Variants in SLC2A13 observed in about 807,000 individuals in gnomAD.
SLC2A13 encodes solute carrier family 2 member 13, also known as proton myo-inositol cotransporter.
Under a neutral mutation model 64.4 loss-of-function variants are expected in SLC2A13, and 32 were observed. The observed-to-expected ratio is 0.50, with a 90% CI of 0.37 to 0.67. SLC2A13 has a LOEUF of 0.67. Ranked by LOEUF, SLC2A13 falls within the 30% of genes least tolerant of loss-of-function variation. The pLI, the probability that SLC2A13 is intolerant of heterozygous loss-of-function variation, is 0.00. For synonymous variants in SLC2A13, 338 were observed against 327.1 expected (o/e 1.03, Z -0.36); for missense variants, 743 against 829.2 (o/e 0.90, Z 1.28).
At chr12:40,095,670 C>G (rs1938914284) in intron 1 of SLC2A13, among the ~76,000 whole-genome samples, 1 of 152,132 alleles carries the variant, frequency 6.6e-6, no homozygotes, top group African/African-American at 2.4e-5. Context: ...CCTTATATTA[C>G]AATCCCTCAA....
At chr12:39,809,111 C>T (rs570699127) in intron 7 of SLC2A13, among the ~76,000 whole-genome samples, 188 of 152,070 alleles carry the variant, frequency 1.2e-3, no homozygotes, top group Non-Finnish European at 2.3e-3. Context: ...AGGTCCATTC[C>T]CTCCACCTTC....
chr12:39,943,649 G>A (rs1016351249), intron 4 of SLC2A13, among the ~76,000 whole-genome samples: 2 of 152,208 alleles, frequency 1.3e-5, no homozygotes, highest in African/African-American at 4.8e-5. Context: ...CTGCTGTGCT[G>A]GCAGTGAGAA....
At chr12:39,971,357 T>G (rs552450159) in intron 3 of SLC2A13, among the ~76,000 whole-genome samples, 1 of 152,344 alleles carries the variant, frequency 6.6e-6, no homozygotes, top group African/African-American at 2.4e-5. Context: ...TAATTTGGTT[T>G]TTAAAAATAT....
intron 1 of SLC2A13, among the ~76,000 whole-genome samples, chr12:40,083,621 G>C (rs1938489542): frequency 6.6e-6 from 1 of 152,160 alleles, no homozygotes; most frequent in Non-Finnish European, 1.5e-5. Flanking sequence ...AAAGGATGGG[G>C]AACTCCTCCC....
chr12:39,926,394 T>C (rs1037589712), intron 4 of SLC2A13, among the ~76,000 whole-genome samples: 2 of 152,160 alleles, frequency 1.3e-5, no homozygotes, highest in African/African-American at 2.4e-5. Flanking sequence ...CCCAGACTTT[T>C]ATTATAATTT....
intron 3 of SLC2A13, among the ~76,000 whole-genome samples, chr12:39,994,037 C>T (rs1176300073): frequency 1.3e-5 from 2 of 152,114 alleles, no homozygotes; most frequent in African/African-American, 4.8e-5. Context: ...CTGTAGACAT[C>T]TTGCAATCTT....
At chr12:39,808,476 T>G (rs1213873546) in intron 7 of SLC2A13, among the ~76,000 whole-genome samples, 1 of 152,160 alleles carries the variant, frequency 6.6e-6, no homozygotes, top group African/African-American at 2.4e-5. Context: ...ATTGAATTAC[T>G]GGGTTGTATG....
At chr12:39,785,248 T>C (rs184712860) in intron 7 of SLC2A13, among the ~76,000 whole-genome samples, 140 of 152,248 alleles carry the variant, frequency 9.2e-4, no homozygotes, top group Non-Finnish European at 1.7e-3. Flanking sequence ...CCATGCTGTG[T>C]GCAGCCTAGA....
intron 3 of SLC2A13, among the ~76,000 whole-genome samples, chr12:39,970,600 C>G (rs1269102586): frequency 6.6e-6 from 1 of 152,128 alleles, no homozygotes; most frequent in Non-Finnish European, 1.5e-5. Context: ...AGATTTTACC[C>G]CAAGTCCTTA....
intron 4 of SLC2A13, among the ~76,000 whole-genome samples, chr12:39,906,006 G>C (rs1164142678): frequency 1.3e-5 from 2 of 152,070 alleles, no homozygotes; most frequent in African/African-American, 4.8e-5. Flanking sequence ...AGCTGATTAA[G>C]AGGACTCTCA....
chr12:39,807,672 TTC>T (rs1466550609), intron 7 of SLC2A13, among the ~76,000 whole-genome samples: 1 of 152,172 alleles, frequency 6.6e-6, no homozygotes, highest in East Asian at 1.9e-4. Flanking sequence ...GTTTTTCTAT[TTC>T]TTTTTGTGTT....
chr12:39,779,152 T>G (rs10747878), intron 7 of SLC2A13, among the ~76,000 whole-genome samples: 113,217 of 152,032 alleles, frequency 0.74, 43,370 homozygotes, highest in Non-Finnish European at 0.84. Context: ...ATGGGCGGGG[T>G]GCAACTGAAG....
intron 3 of SLC2A13, among the ~76,000 whole-genome samples, chr12:40,008,399 A>C (rs1170677662): frequency 2.6e-5 from 4 of 152,190 alleles, no homozygotes. Context: ...TGAAGTCAAC[A>C]GATCGAGACC....
At chr12:39,957,107 T>C (rs1946327401) in intron 3 of SLC2A13, among the ~76,000 whole-genome samples, 1 of 152,214 alleles carries the variant, frequency 6.6e-6, no homozygotes, top group African/African-American at 2.4e-5. Context: ...CAATGGATTA[T>C]CTAATACTTC....
chr12:39,864,861 A>G lies in SLC2A13; in HGVS notation c.1220T>C (p.Ile407Thr). The change falls in exon 6 of 10, where the codon ATT becomes ACT. Residue 407 changes from isoleucine to threonine, a missense_variant. Physicochemically the swap from Ile to Thr is moderately conservative, Grantham distance 89. Transcript: ENST00000280871. ...TGATAGCACAAATCCCAAGGCAAGA[A>G]TAATGAGTGCTACGGTGGTACCTTA... is the stretch of plus-strand genomic sequence containing the variant. ...SLAGTTVALI[I>T]LALGFVLSAQ... The G allele has an allele frequency of 2.5e-6, 4 of 1,613,864 alleles. No homozygotes were observed. The highest frequency in any genetic ancestry group is 3.4e-6 in the Non-Finnish European group (4 of 1,179,856).
intron 4 of SLC2A13, among the ~76,000 whole-genome samples, chr12:39,925,857 C>T (rs1945719146): frequency 6.6e-6 from 1 of 152,148 alleles, no homozygotes; most frequent in East Asian, 1.9e-4. Flanking sequence ...TCAATATTTA[C>T]CAGTCTTTCC....
At position 39,838,559 on chromosome 12, in the gene SLC2A13, A is replaced by T. The variant is rs115190341; in HGVS notation, c.1320-8331T>A. On this transcript the variant is annotated intron_variant, in intron 6 of 9. Coordinates refer to ENST00000280871, the MANE Select transcript of SLC2A13 (RefSeq NM_052885.4). ...TCTCTGACTTTTCAGAAAGGGGAAA[A>T]GTAAGTATTCATATATTTAGAACAA... Among the ~76,000 whole-genome samples, 914 of 151,660 alleles carry T rather than the reference A, an allele frequency of 6.0e-3. 11 individuals are homozygous for T. The highest frequency in any genetic ancestry group is 0.021 in the African/African-American group (867 of 41,374).
At chr12:39,958,208 A>C (rs544276303) in intron 3 of SLC2A13, among the ~76,000 whole-genome samples, 1 of 152,076 alleles carries the variant, frequency 6.6e-6, no homozygotes, top group African/African-American at 2.4e-5. Context: ...ACTTCTTTCC[A>C]CAAAACATTG....
At chr12:40,068,207 G>T in intron 1 of SLC2A13, 1 of 286,734 alleles carries the variant, frequency 3.5e-6, no homozygotes, top group Non-Finnish European at 6.7e-6. Context: ...ATAAACCTCT[G>T]GCAAGTTTTA....
Sources: gnomAD v4.1 joint callset for allele counts (sites outside exome capture counted in the v4.1 genomes callset) on GRCh38, gnomAD v4.1.1 for gene constraint, MANE v1.5 for transcripts, NCBI Gene and HGNC (gene_info 2026-07-23, HGNC 2026-07-21) for gene names.